Variants in ARHGAP35 observed in about 807,000 individuals in gnomAD.
ARHGAP35 encodes rho GTPase-activating protein 35.
In ARHGAP35, 15 loss-of-function variants were observed where a neutral mutation model predicts 111.1. The ratio of observed to expected loss-of-function variants is 0.13; its 90% CI spans 0.09 to 0.21. The LOEUF (loss-of-function observed/expected upper bound fraction) is 0.21, where lower values mean the gene tolerates loss of function less well. Ranked by LOEUF, ARHGAP35 falls within the 10% of genes least tolerant of loss-of-function variation. The pLI is 1.00. For synonymous variants in ARHGAP35, 643 were observed against 710.3 expected, an observed-to-expected ratio of 0.91 and a Z score of 1.51; for missense variants, 1,262 against 1,873.0, an observed-to-expected ratio of 0.67 and a Z score of 6.02.
chr19:46,967,637 G>A (rs888349164), intron 3 of ARHGAP35, among the ~76,000 whole-genome samples: 2 of 152,198 alleles, frequency 1.3e-5, no homozygotes, highest in South Asian at 2.1e-4. Context: ...CAGTGGTTCT[G>A]TATCACTCTA....
chr19:46,863,707 C>T (rs1329437509), intron 1 of ARHGAP35, among the ~76,000 whole-genome samples: 1 of 151,936 alleles, frequency 6.6e-6, no homozygotes, highest in Non-Finnish European at 1.5e-5. Flanking sequence ...ATAGTTTTAC[C>T]TCTAGCTGGG....
intron 1 of ARHGAP35, among the ~76,000 whole-genome samples, chr19:46,907,359 C>G (rs952542267): frequency 6.6e-6 from 1 of 151,878 alleles, no homozygotes; most frequent in Admixed American, 6.6e-5. Context: ...ACCGTGTTAG[C>G]CAGGATGGTC....
intron 3 of ARHGAP35, among the ~76,000 whole-genome samples, chr19:46,964,743 G>A (rs116958648): frequency 0.016 from 2,362 of 152,252 alleles, 28 homozygotes; most frequent in Non-Finnish European, 0.027. Flanking sequence ...TTATGGAAGG[G>A]GGTTCTACCA....
Position 46,921,746 on chromosome 19 carries a change from T to G in ARHGAP35, c.3071T>G (p.Phe1024Cys). Reference protein sequence around the residue: ...MELEGNDGLSFIMSNFESKLN... With the variant: ...MELEGNDGLSCIMSNFESKLN... ...CTGGAGGGAAATGATGGGCTGTCTT[T>G]CATTATGAGCAATTTTGAGAGTAAA... Residue 1024 changes from phenylalanine (F) to cysteine (C), a missense_variant, in exon 2 of 7, where the codon TTC becomes TGC. By Grantham distance (205) the Phe-to-Cys change is radical. Transcript: ENST00000672722. The surrounding 1 kb of genome is among the most constrained non-coding windows in gnomAD (Gnocchi z 4.3). The G allele has an allele frequency of 1.2e-6, 2 of 1,614,006 alleles. No homozygotes were observed. Among genetic ancestry groups the G allele is most frequent in the Non-Finnish European group, 1.7e-6 (2 of 1,179,892 alleles).
intron 1 of ARHGAP35, among the ~76,000 whole-genome samples, chr19:46,874,725 G>A (rs1013990167): frequency 1.3e-5 from 2 of 150,362 alleles, no homozygotes; most frequent in South Asian, 2.1e-4. Context: ...GGCTGGTCTC[G>A]AACTCCTGAC....
At position 46,894,793 on chromosome 19, in the gene ARHGAP35, A is replaced by G. The variant is rs1425263962; in HGVS notation, c.-188-23695A>G. On this transcript the variant is annotated intron_variant, in intron 1 of 6. Coordinates refer to ENST00000672722, the MANE Select transcript of ARHGAP35 (RefSeq NM_004491.5). Reference sequence around the variant, plus strand: ...CATGTATCTTTTTCTGCTGTCTCCTATGTCATGTCTTACTCTGCCGTTTTG... The same window carrying G: ...CATGTATCTTTTTCTGCTGTCTCCTGTGTCATGTCTTACTCTGCCGTTTTG... 3.9e-5 allele frequency among the ~76,000 whole-genome samples: 6 copies of G among 152,136 alleles called. No individual in the cohort carries two copies. In the South Asian group the frequency reaches 8.3e-4, roughly 21 times the overall value.
At chr19:46,867,730 G>C (rs1401132921) in intron 1 of ARHGAP35, among the ~76,000 whole-genome samples, 1 of 151,858 alleles carries the variant, frequency 6.6e-6, no homozygotes, top group African/African-American at 2.4e-5. Context: ...TGTCCATGTT[G>C]ACAGAAGATA....
intron 3 of ARHGAP35, among the ~76,000 whole-genome samples, chr19:46,944,033 C>G (rs1029391021): frequency 2.9e-4 from 44 of 152,122 alleles, no homozygotes; most frequent in African/African-American, 1.0e-3. Context: ...GGCATGATGG[C>G]TCATGCCTGT....
intron 2 of ARHGAP35, among the ~76,000 whole-genome samples, chr19:46,925,690 T>C (rs2056234117): frequency 6.6e-6 from 1 of 152,178 alleles, no homozygotes; most frequent in Non-Finnish European, 1.5e-5. Flanking sequence ...TTGTAGTGAT[T>C]AGGAGCTCAG....
intron 3 of ARHGAP35, among the ~76,000 whole-genome samples, chr19:46,964,744 G>C (rs2056503268): frequency 1.3e-5 from 2 of 152,112 alleles, no homozygotes; most frequent in Non-Finnish European, 2.9e-5. Context: ...TATGGAAGGG[G>C]GTTCTACCAG....
At chr19:46,885,211 A>C (rs1214073089) in intron 1 of ARHGAP35, among the ~76,000 whole-genome samples, 1 of 152,206 alleles carries the variant, frequency 6.6e-6, no homozygotes, top group Non-Finnish European at 1.5e-5. Flanking sequence ...CCCTTAGGGA[A>C]ATCATTTTAC....
Position 46,861,025 on chromosome 19 carries a change from CAGG to C in ARHGAP35, c.-366_-364del, listed in dbSNP as rs2055822160. ...CCGAGGGAGAGCCGCGGCGCGGCGG[CAGG>C]AGGAGGTGGAGGAGGCGGAGGAGGG... On this transcript the variant is annotated 5_prime_UTR_variant, in exon 1 of 7. Coordinates refer to ENST00000672722, the MANE Select transcript of ARHGAP35 (RefSeq NM_004491.5). Among the ~76,000 whole-genome samples the C allele has an allele frequency of 6.7e-6, 1 of 149,036 alleles. No individual in the cohort carries two copies. Among genetic ancestry groups the C allele is most frequent in the Non-Finnish European group, 1.5e-5 (1 of 66,820 alleles).
intron 1 of ARHGAP35, among the ~76,000 whole-genome samples, chr19:46,895,778 G>T (rs2056051676): frequency 1.3e-5 from 2 of 152,110 alleles, no homozygotes; most frequent in African/African-American, 4.8e-5. Context: ...GAAATGAAGA[G>T]AATACTTACC....
chr19:46,936,894 C>G (rs929773356), intron 2 of ARHGAP35, among the ~76,000 whole-genome samples: 7 of 139,568 alleles, frequency 5.0e-5, no homozygotes, highest in African/African-American at 1.9e-4. Context: ...GGCTGGAATA[C>G]AGTGGCGCAA....
chr19:46,941,432 G>C (rs2056346467), intron 3 of ARHGAP35, among the ~76,000 whole-genome samples: 1 of 151,948 alleles, frequency 6.6e-6, no homozygotes, highest in Non-Finnish European at 1.5e-5. Context: ...GCCAGGCATG[G>C]TGGCACGCAT....
chr19:46,924,390 TAC>T, intron 2 of ARHGAP35, among the ~76,000 whole-genome samples: 1 of 152,218 alleles, frequency 6.6e-6, no homozygotes, highest in Non-Finnish European at 1.5e-5. Context: ...GTTCCTGCAT[TAC>T]CGCTGACCAG....
At chr19:46,980,278 G>A (rs545383425) in intron 3 of ARHGAP35, among the ~76,000 whole-genome samples, 31 of 152,228 alleles carry the variant, frequency 2.0e-4, no homozygotes, top group Non-Finnish European at 3.4e-4. Context: ...CCAGCTACTC[G>A]GGAGGCTGAA....
At position 46,865,345 on chromosome 19, in the gene ARHGAP35, GT is replaced by G. The variant is rs553875764; in HGVS notation, c.-189+4140del. Among the ~76,000 whole-genome samples the G allele has an allele frequency of 7.6e-4, 116 of 152,256 alleles. 1 individual carries two copies. Among genetic ancestry groups the G allele is most frequent in the Non-Finnish European group, 1.5e-3 (99 of 68,020 alleles). ...AGTTCCTCATTTAAGTTATCATCTTGTTTTCAACTAACCTCTTTTTGGCCAT... is the reference window on the plus strand; with the variant it reads ...AGTTCCTCATTTAAGTTATCATCTTGTTTCAACTAACCTCTTTTTGGCCAT... On this transcript the variant is annotated intron_variant, in intron 1 of 6. Coordinates refer to ENST00000672722, the MANE Select transcript of ARHGAP35 (RefSeq NM_004491.5).
intron 1 of ARHGAP35, among the ~76,000 whole-genome samples, chr19:46,890,189 C>T (rs887710009): frequency 3.9e-5 from 6 of 152,230 alleles, no homozygotes; most frequent in African/African-American, 1.2e-4. Flanking sequence ...TTTATTTTTC[C>T]CTGATACTTA....
Sources: allele counts gnomAD v4.1 joint callset (sites outside exome capture counted in the v4.1 genomes callset), GRCh38; gene constraint gnomAD v4.1.1; non-coding constraint Gnocchi (gnomAD v3.1); transcripts MANE v1.5; gene names NCBI Gene and HGNC (gene_info 2026-07-23, HGNC 2026-07-21).